The following ATP5F1A variants were observed in gnomAD, a reference collection of about 807,000 sequenced individuals.
ATP5F1A encodes ATP synthase F(1) complex subunit alpha, mitochondrial.
A neutral mutation model predicts 57.4 loss-of-function variants in ATP5F1A; 24 were observed. The observed-to-expected ratio is 0.42, with a 90% CI of 0.30 to 0.59. The LOEUF (loss-of-function observed/expected upper bound fraction) is 0.59, where lower values mean the gene tolerates loss of function less well. Among genes scored for constraint, ATP5F1A ranks in the 20% least tolerant of loss-of-function variants. The pLI, the probability that ATP5F1A is intolerant of heterozygous loss-of-function variation, is 0.19. For missense variants in ATP5F1A, 494 were observed against 707.9 expected (o/e 0.70, Z 3.43); for synonymous variants, 251 against 255.5 (o/e 0.98, Z 0.17).
At position 46,095,038 on chromosome 18, in the gene ATP5F1A, G is replaced by C. The variant is rs758624976; in HGVS notation, c.139+15C>G. 47 of 1,606,456 alleles carry C rather than the reference G, an allele frequency of 2.9e-5. No individual in the cohort carries two copies. The highest frequency in any genetic ancestry group is 3.9e-5 in the Non-Finnish European group (46 of 1,176,512). On this transcript the variant is annotated intron_variant, in intron 2 of 11. Coordinates refer to ENST00000398752, the MANE Select transcript of ATP5F1A (RefSeq NM_004046.6). ...ATCTAGTAAGTGCGGCGTAGACTGA[G>C]AAATAATAACTTACCAGTCTTTTGA...
intron 2 of ATP5F1A, among the ~76,000 whole-genome samples, chr18:46,092,397 T>C (rs1403831997): frequency 6.7e-6 from 1 of 149,970 alleles, no homozygotes. Context: ...TCACTTGAGG[T>C]AAGGAGTTCG....
Position 46,094,966 on chromosome 18 carries a change from G to A in ATP5F1A, c.139+87C>T, listed in dbSNP as rs1269562227. ...CAAACTAGAGAAAAAACTAACAAAT[G>A]AAAAACAACTCACCACAGTTATACG... On this transcript the variant is annotated intron_variant, in intron 2 of 11. Coordinates refer to ENST00000398752, the MANE Select transcript of ATP5F1A (RefSeq NM_004046.6). 3 of 1,425,284 alleles carry A rather than the reference G, an allele frequency of 2.1e-6. No individual in the cohort carries two copies. In the African/African-American group the frequency reaches 4.3e-5, roughly 21 times the overall value. 88.3% of individuals were successfully genotyped at this position (1,425,284 alleles called of 1,614,324 possible). A position where few individuals can be genotyped will look rare whatever the true frequency, so the allele number is the denominator to read the frequency against.
At chr18:46,089,285 G>C (rs1290326100) in intron 5 of ATP5F1A, 1 of 388,962 alleles carries the variant, frequency 2.6e-6, no homozygotes, top group Non-Finnish European at 4.7e-6. Flanking sequence ...GGTGTGGAGG[G>C]GCTGGCCCCC....
intron 1 of ATP5F1A, among the ~76,000 whole-genome samples, 183 bp from the exon 2 acceptor site, chr18:46,095,314 C>G (rs957245054): frequency 1.3e-5 from 2 of 152,106 alleles, no homozygotes; most frequent in Non-Finnish European, 2.9e-5. Flanking sequence ...ACCTTTTATA[C>G]AGCTCCTAGT....
chr18:46,098,239 G>C lies in ATP5F1A; in HGVS notation c.-8C>G, dbSNP rs746162224. ...AACGCGCACGGACAGCATCTTTGCA[G>C]TTACTCCGCAGGCGGTACTTCTGCA... On this transcript the variant is annotated 5_prime_UTR_variant, in exon 1 of 12. Transcript: ENST00000398752. 1.2e-5 allele frequency: 20 copies of C among 1,604,992 alleles called. No individual in the cohort carries two copies. The highest frequency in any genetic ancestry group is 1.7e-5 in the Non-Finnish European group (20 of 1,178,596).
At chr18:46,093,913 C>T (rs894806556) in intron 2 of ATP5F1A, among the ~76,000 whole-genome samples, 1 of 152,042 alleles carries the variant, frequency 6.6e-6, no homozygotes, top group Non-Finnish European at 1.5e-5. Context: ...TCGAGACCAG[C>T]CTGGCTAACA....
intron 6 of ATP5F1A, chr18:46,087,724 A>C (rs979921416): frequency 2.0e-6 from 1 of 504,724 alleles, no homozygotes; most frequent in Non-Finnish European, 3.5e-6. Context: ...TACTAAAAAT[A>C]CAAAAATTAG....
intron 5 of ATP5F1A, chr18:46,089,334 C>CTGGGATTAAGAGTCCCA: frequency 2.0e-6 from 1 of 497,668 alleles, no homozygotes; most frequent in Non-Finnish European, 3.5e-6. Flanking sequence ...ACCCACGACC[C>CTGGGATTAAGAGTCCCA]TGGGATTAAG....
Position 46,083,968 on chromosome 18 carries a change from G to A in ATP5F1A, c.*314C>T, listed in dbSNP as rs942637307. ...CCACTGCACTCCAGCCTCAGTGACA[G>A]AGTGAGAATCAGTCTCAAAAAAAAA... is the stretch of plus-strand genomic sequence containing the variant. On this transcript the variant is annotated 3_prime_UTR_variant, in exon 12 of 12. Transcript: ENST00000398752. 1 of 174,634 alleles carries A rather than the reference G, an allele frequency of 5.7e-6. No individual in the cohort carries two copies. Among genetic ancestry groups the A allele is most frequent in the Non-Finnish European group, 1.1e-5 (1 of 89,752 alleles). 10.8% of individuals were successfully genotyped at this position (174,634 alleles called of 1,614,324 possible).
At position 46,087,121 on chromosome 18, in the gene ATP5F1A, T is replaced by C; in HGVS notation, c.1063A>G (p.Met355Val). 3 of 1,614,214 alleles carry C rather than the reference T, an allele frequency of 1.9e-6. No homozygotes were observed. Among genetic ancestry groups the C allele is most frequent in the Non-Finnish European group, 2.5e-6 (3 of 1,180,040 alleles). Residue 355 changes from methionine to valine, a missense_variant, in exon 8 of 12, where the codon ATG becomes GTG. By Grantham distance (21) the Met-to-Val change is conservative. This residue lies in a region of ATP5F1A where 15 missense variants were observed against 16.3 expected (regional missense o/e 0.92). Transcript: ENST00000398752. Reference protein sequence around the residue: ...HSRLLERAAKMNDAFGGGSLT... With the variant: ...HSRLLERAAKVNDAFGGGSLT... The stretch of plus-strand genomic sequence containing the variant: ...GAGCCACCACCAAAAGCATCGTTCA[T>C]TTTGGCTGCTCTCTCCAGCAACCGG...
At chr18:46,104,117 TAAAA>T in intron 1 of ATP5F1A, 1 of 364,376 alleles carries the variant, frequency 2.7e-6, no homozygotes, top group Admixed American at 4.6e-5. Flanking sequence ...GAAATAAAAA[TAAAA>T]GAAAGAAAAA....
intron 6 of ATP5F1A, 102 bp downstream of exon 6, chr18:46,088,007 T>C: frequency 3.0e-6 from 4 of 1,311,752 alleles, no homozygotes; most frequent in Non-Finnish European, 4.2e-6. Context: ...TTCAGCCCAT[T>C]AGGAAGTAAT....
intron 1 of ATP5F1A, among the ~76,000 whole-genome samples, chr18:46,097,069 G>A (rs1911021287): frequency 6.6e-6 from 1 of 151,202 alleles, no homozygotes; most frequent in Admixed American, 6.6e-5. Flanking sequence ...GTGGCATGTG[G>A]ACTTATTTTA....
chr18:46,090,953 T>G (rs1466613839), intron 3 of ATP5F1A, among the ~76,000 whole-genome samples: 1 of 152,218 alleles, frequency 6.6e-6, no homozygotes, highest in Non-Finnish European at 1.5e-5. Flanking sequence ...TGTTTCGACC[T>G]CACCTTTCAA....
intron 3 of ATP5F1A, among the ~76,000 whole-genome samples, chr18:46,091,067 C>T (rs1396921882): frequency 3.3e-5 from 5 of 152,170 alleles, no homozygotes; most frequent in Non-Finnish European, 5.9e-5. Context: ...GCTCTTTTTC[C>T]GTAGTAGACA....
At chr18:46,091,473 T>G (rs1279340695) in intron 3 of ATP5F1A, among the ~76,000 whole-genome samples, 1 of 152,192 alleles carries the variant, frequency 6.6e-6, no homozygotes, top group Non-Finnish European at 1.5e-5. Flanking sequence ...GGCTACAAGT[T>G]ATGTATAAAT....
chr18:46,088,912 GGCA>G (rs902892177), intron 5 of ATP5F1A, among the ~76,000 whole-genome samples: 2 of 151,838 alleles, frequency 1.3e-5, no homozygotes, highest in African/African-American at 4.8e-5. Context: ...GAGATATGCT[GGCA>G]GCAATACTGC....
chr18:46,095,290 T>C, intron 1 of ATP5F1A, 159 bp from the exon 2 acceptor site: 1 of 649,778 alleles, frequency 1.5e-6, no homozygotes, highest in Non-Finnish European at 2.6e-6. Flanking sequence ...AAGTAGCTTT[T>C]GATATATGTG....
Position 46,084,291 on chromosome 18 carries a change from A to C in ATP5F1A, c.1653T>G (p.Phe551Leu). 2 of 1,612,186 alleles carry C rather than the reference A, an allele frequency of 1.2e-6. No individual in the cohort carries two copies. The highest frequency in any genetic ancestry group is 1.7e-6 in the Non-Finnish European group (2 of 1,179,780). ...KEIVTNFLAG[F>L]EA ...GTGAATCCACAGGAGTTTAAGCTTC[A>C]AATCCAGCCAAGAAATTTGTTACAA... is the stretch of plus-strand genomic sequence containing the variant. Residue 551 changes from phenylalanine (F) to leucine (L), a missense_variant, in exon 12 of 12, where the codon TTT (phenylalanine) becomes TTG (leucine). Around this residue, in one of 6 missense-constraint regions of ATP5F1A, gnomAD observed 127 missense variants for 195.2 expected, o/e 0.65. Transcript: ENST00000398752.
Sources: gnomAD v4.1 joint callset for allele counts (sites outside exome capture counted in the v4.1 genomes callset) on GRCh38, gnomAD v4.1.1 for gene constraint, gnomAD v4.1.1 regional missense constraint, MANE v1.5 for transcripts, NCBI Gene and HGNC (gene_info 2026-07-23, HGNC 2026-07-21) for gene names.